Variants in GALNT18 observed in about 807,000 individuals in gnomAD.
GALNT18 encodes polypeptide N-acetylgalactosaminyltransferase 18.
In GALNT18, 44 loss-of-function variants were observed where a neutral mutation model predicts 69.5. The ratio of observed to expected loss-of-function variants is 0.63; its 90% CI spans 0.50 to 0.81. The LOEUF is 0.81. Ranked by LOEUF, GALNT18 falls within the 40% of genes least tolerant of loss-of-function variation. GALNT18 has a pLI of 0.00. For missense variants in GALNT18, 715 were observed against 810.0 expected (o/e 0.88, Z 1.42); for synonymous variants, 364 against 318.2 (o/e 1.14, Z -1.53).
At position 11,338,540 on chromosome 11, in the gene GALNT18, G is replaced by A. The variant is rs979538534; in HGVS notation, c.1278+2279C>T. Among the ~76,000 whole-genome samples the A allele has an allele frequency of 2.0e-5, 3 of 152,174 alleles. No homozygotes were observed. Among genetic ancestry groups the A allele is most frequent in the African/African-American group, 7.2e-5 (3 of 41,448 alleles). ...TTCAAACTCATATGTCTGGAAGATG[G>A]TGGCACCATGAACTGAGACAGGATG... On this transcript the variant is annotated intron_variant, in intron 7 of 10. Transcript: ENST00000227756. The surrounding 1 kb of genome is among the most constrained non-coding windows in gnomAD (Gnocchi z 5.3).
intron 10 of GALNT18, among the ~76,000 whole-genome samples, chr11:11,273,277 A>C (rs1049504839): frequency 6.6e-6 from 1 of 152,228 alleles, no homozygotes; most frequent in African/African-American, 2.4e-5. Flanking sequence ...ACAGAACTGG[A>C]GAAAATATTT....
chr11:11,271,285 T>C lies in GALNT18; in HGVS notation c.1683A>G (p.Gly561=). Residue 561 remains glycine, a synonymous_variant, in exon 11 of 11, where the codon GGA becomes GGG. Coordinates refer to ENST00000227756, the MANE Select transcript of GALNT18 (RefSeq NM_198516.3). ...MKLHWQFSQG[G]PIQNRKSKRC... ...GCTTAGACTTGCGGTTCTGGATGGG[T>C]CCTCCCTAGGGGCCAGGGCAGACAG... is the stretch of plus-strand genomic sequence containing the variant. 15 of 1,613,638 alleles carry C rather than the reference T, an allele frequency of 9.3e-6. No individual in the cohort carries two copies. Among genetic ancestry groups the C allele is most frequent in the Non-Finnish European group, 1.1e-5 (13 of 1,179,738 alleles).
intron 6 of GALNT18, among the ~76,000 whole-genome samples, chr11:11,343,437 C>G (rs1564902476): frequency 6.6e-6 from 1 of 152,190 alleles, no homozygotes; most frequent in Non-Finnish European, 1.5e-5. Context: ...ACAAAAGGAT[C>G]TGTCTGATCC....
chr11:11,460,256 C>T (rs993783342), intron 1 of GALNT18, among the ~76,000 whole-genome samples: 1 of 152,198 alleles, frequency 6.6e-6, no homozygotes, highest in African/African-American at 2.4e-5. Context: ...GGGGCCATTA[C>T]TCTGCTACCA....
chr11:11,369,216 C>G (rs538391660), intron 6 of GALNT18, among the ~76,000 whole-genome samples: 175 of 152,218 alleles, frequency 1.1e-3, no homozygotes, highest in Non-Finnish European at 2.3e-3. Context: ...GTATCACAAT[C>G]TGGATCACCT....
rs1854342190 is a variant in GALNT18, at chr11:11,396,805, A to G, written c.596-17541T>C. Among the ~76,000 whole-genome samples, 1 of 152,184 alleles carries G rather than the reference A, an allele frequency of 6.6e-6. No individual in the cohort carries two copies. The highest frequency in any genetic ancestry group is 1.5e-5 in the Non-Finnish European group (1 of 68,040). ...AGGCTGTATTTCTGGCCCGCACTGC[A>G]GCATCAGTGGGGAGGAAAATAGGGA... On this transcript the variant is annotated intron_variant, in intron 3 of 10. Transcript: ENST00000227756. This position sits in a 1 kb window ranked among gnomAD's most constrained non-coding sequence, Gnocchi z 5.2.
chr11:11,511,526 C>T lies in GALNT18; in HGVS notation c.236-62590G>A, dbSNP rs1857165558. On this transcript the variant is annotated intron_variant, in intron 1 of 10. Coordinates refer to ENST00000227756, the MANE Select transcript of GALNT18 (RefSeq NM_198516.3). This position sits in a 1 kb window ranked among gnomAD's most constrained non-coding sequence, Gnocchi z 4.9. ...TTCTTTACTTCTGAGCCACTCACCC[C>T]TCAGAAAATCTGAGAAAAGGCTTGG... Among the ~76,000 whole-genome samples the T allele has an allele frequency of 6.6e-6, 1 of 152,224 alleles. No homozygotes were observed. Among genetic ancestry groups the T allele is most frequent in the South Asian group, 2.1e-4 (1 of 4,832 alleles).
rs952937357 is a variant in GALNT18, at chr11:11,591,873, T to G, written c.235+29486A>C. Among the ~76,000 whole-genome samples, 1 of 152,104 alleles carries G rather than the reference T, an allele frequency of 6.6e-6. No individual in the cohort carries two copies. Among genetic ancestry groups the G allele is most frequent in the Admixed American group, 6.5e-5 (1 of 15,280 alleles). ...ATTAGATGTTATGAAGATTTAAGGGTTTTGAGTTTGATGTAACACAGTCCT... is the reference window on the plus strand; with the variant it reads ...ATTAGATGTTATGAAGATTTAAGGGGTTTGAGTTTGATGTAACACAGTCCT... On this transcript the variant is annotated intron_variant, in intron 1 of 10. Coordinates refer to ENST00000227756, the MANE Select transcript of GALNT18 (RefSeq NM_198516.3). This position sits in a 1 kb window ranked among gnomAD's most constrained non-coding sequence, Gnocchi z 4.8.
intron 6 of GALNT18, among the ~76,000 whole-genome samples, chr11:11,357,427 T>A (rs1201471015): frequency 2.0e-5 from 3 of 152,054 alleles, no homozygotes; most frequent in Admixed American, 2.0e-4. Flanking sequence ...CCCTTTCTGG[T>A]CAAATACAAT....
chr11:11,611,417 CCTT>C (rs1480489349), intron 1 of GALNT18, among the ~76,000 whole-genome samples: 3 of 152,172 alleles, frequency 2.0e-5, no homozygotes, highest in Non-Finnish European at 1.5e-5. Flanking sequence ...TGGACCCTCA[CCTT>C]CTTCTTTGTA....
At chr11:11,576,245 C>A (rs1858920518) in intron 1 of GALNT18, among the ~76,000 whole-genome samples, 1 of 152,236 alleles carries the variant, frequency 6.6e-6, no homozygotes, top group African/African-American at 2.4e-5. Context: ...CAGGGCAGGA[C>A]CTTGGTCAGA....
rs1334935585 is a variant in GALNT18, at chr11:11,339,461, A to G, written c.1278+1358T>C. The stretch of plus-strand genomic sequence containing the variant: ...TGCTCACTCACCAGTCCTAAGCAGA[A>G]CCTGGGGACCTGCTATGCCTCACTG... On this transcript the variant is annotated intron_variant, in intron 7 of 10. Coordinates refer to ENST00000227756, the MANE Select transcript of GALNT18 (RefSeq NM_198516.3). The surrounding 1 kb of genome is among the most constrained non-coding windows in gnomAD (Gnocchi z 5.2). 6.6e-6 allele frequency among the ~76,000 whole-genome samples: 1 copy of G among 152,102 alleles called. No homozygotes were observed. The highest frequency in any genetic ancestry group is 1.5e-5 in the Non-Finnish European group (1 of 68,022).
chr11:11,527,766 A>G (rs1441257493), intron 1 of GALNT18, among the ~76,000 whole-genome samples: 1 of 152,198 alleles, frequency 6.6e-6, no homozygotes, highest in East Asian at 1.9e-4. Flanking sequence ...GGCATCTGCA[A>G]TGAGCTGTTT....
intron 1 of GALNT18, among the ~76,000 whole-genome samples, chr11:11,486,805 G>A (rs997649864): frequency 6.6e-6 from 1 of 152,182 alleles, no homozygotes; most frequent in Non-Finnish European, 1.5e-5. Flanking sequence ...CCAAGCTGAC[G>A]GCTCCTCCCC....
At chr11:11,438,244 A>C (rs1440321844) in intron 2 of GALNT18, among the ~76,000 whole-genome samples, 1 of 152,176 alleles carries the variant, frequency 6.6e-6, no homozygotes, top group Non-Finnish European at 1.5e-5. Context: ...GTCAGCTCCC[A>C]GATGGCAGGA....
At chr11:11,525,345 C>T (rs1276578036) in intron 1 of GALNT18, among the ~76,000 whole-genome samples, 1 of 152,042 alleles carries the variant, frequency 6.6e-6, no homozygotes, top group Non-Finnish European at 1.5e-5. Context: ...GAATGAGAAG[C>T]AGGGAGCTCA....
intron 2 of GALNT18, among the ~76,000 whole-genome samples, chr11:11,441,580 C>T (rs1411577977): frequency 6.6e-6 from 1 of 152,162 alleles, no homozygotes; most frequent in African/African-American, 2.4e-5. Flanking sequence ...GTTCGGTATT[C>T]CCCTTTATAA....
At chr11:11,358,080 C>T (rs1850568105) in intron 6 of GALNT18, among the ~76,000 whole-genome samples, 1 of 92,948 alleles carries the variant, frequency 1.1e-5, no homozygotes, top group Non-Finnish European at 2.6e-5. Context: ...CTGCCTCCAT[C>T]TCCTATGCCC....
At chr11:11,589,697 C>G (rs1025436209) in intron 1 of GALNT18, among the ~76,000 whole-genome samples, 1 of 152,112 alleles carries the variant, frequency 6.6e-6, no homozygotes, top group Non-Finnish European at 1.5e-5. Flanking sequence ...GTTTGTCTAT[C>G]GCCCCTCACT....
Sources: gnomAD v4.1 joint callset for allele counts (sites outside exome capture counted in the v4.1 genomes callset) on GRCh38, gnomAD v4.1.1 for gene constraint, Gnocchi (gnomAD v3.1) non-coding constraint, MANE v1.5 for transcripts, NCBI Gene and HGNC (gene_info 2026-07-23, HGNC 2026-07-21) for gene names.